The following MTERF4 variants were observed in gnomAD, a reference collection of about 807,000 sequenced individuals.
The protein encoded by MTERF4 is transcription termination factor 4, mitochondrial.
In MTERF4, 17 loss-of-function variants were observed where a neutral mutation model predicts 22.5. The ratio of observed to expected loss-of-function variants is 0.75; its 90% confidence interval spans 0.52 to 1.13. The LOEUF is 1.13. Ranked by LOEUF, MTERF4 falls within the 50% of genes most tolerant of loss-of-function variation. The probability of loss-of-function intolerance (pLI) is 0.00; values close to 1 mark genes in which losing one functional copy is unlikely to be tolerated. For missense variants in MTERF4, 420 were observed against 466.8 expected (o/e 0.90, Z 0.92); for synonymous variants, 165 against 175.3 (o/e 0.94, Z 0.47).
Position 241,095,658 on chromosome 2 carries a change from C to G in MTERF4, c.*340G>C, listed in dbSNP as rs1046590222. The G allele has an allele frequency of 1.6e-4, 40 of 253,642 alleles. 1 individual carries two copies. The highest frequency in any genetic ancestry group is 3.0e-5 in the Non-Finnish European group (4 of 132,264). The allele number at this position is 253,642 out of a possible 1,614,324, so 15.7% of individuals were successfully genotyped here. A position where few individuals can be genotyped will look rare whatever the true frequency, so the allele number is the denominator to read the frequency against. ...AGAATGAACCCCATCTTCCAACTGT[C>G]ACGGAATTATCACCAACATATTCAA... On this transcript the variant is annotated 3_prime_UTR_variant, in exon 4 of 4. Transcript: ENST00000391980.
the MTERF4 span, chr2:241,065,084 G>A: frequency 2.4e-6 from 2 of 847,668 alleles, no homozygotes; most frequent in African/African-American, 3.4e-5. Context: ...GAGGAACAGG[G>A]AGGGGATAAA....
downstream of MTERF4, chr2:241,071,586 T>G: frequency 6.3e-7 from 1 of 1,587,238 alleles, no homozygotes; most frequent in Non-Finnish European, 8.5e-7. Context: ...CCCCCAGGGA[T>G]GGCGCTGACA....
chr2:241,067,914 A>ATGTGGACAGGAG (rs1159616228), downstream of MTERF4: 4 of 1,607,098 alleles, frequency 2.5e-6, no homozygotes, highest in Non-Finnish European at 3.4e-6. Context: ...CAGGCCACCG[A>ATGTGGACAGGAG]TGTGGACAGG....
downstream of MTERF4, among the ~76,000 whole-genome samples, chr2:241,070,767 C>G (rs1413823513): frequency 6.6e-6 from 1 of 152,210 alleles, no homozygotes; most frequent in African/African-American, 2.4e-5. Context: ...CCACTTAGGT[C>G]TTCCAAGTTC....
At chr2:241,046,924 C>G in the MTERF4 span, among the ~76,000 whole-genome samples, 18 of 152,226 alleles carry the variant, frequency 1.2e-4, no homozygotes, top group Admixed American at 2.0e-4. Context: ...GCAGGCGGAT[C>G]ACGAGGTCAG....
In MTERF4 at chr2:241,078,239, T is replaced by C. The variant is rs75891584; in HGVS notation, n.480-2557A>G. Among the ~76,000 whole-genome samples the C allele has an allele frequency of 0.014, 2,061 of 151,458 alleles. 120 individuals are homozygous for C. The East Asian group carries it at 0.15, about 11-fold the overall frequency. On this transcript the variant is annotated intron_variant and non_coding_transcript_variant, in intron 4 of 4. Coordinates refer to the MTERF4 transcript ENST00000464344. ...CTCTACTAAAAATACAAAAATTAGC[T>C]GGGCGTGGTGGCGGGCGCCTGTAGT...
At position 241,097,438 on chromosome 2, in the gene MTERF4, T is replaced by C. The variant is rs762272533; in HGVS notation, c.521-11A>G. 1 of 1,600,550 alleles carries C rather than the reference T, an allele frequency of 6.2e-7. No homozygotes were observed. The highest frequency in any genetic ancestry group is 1.1e-5 in the South Asian group (1 of 89,298). ...CCCTCTTTAATTTCCCTGCAGAACA[T>C]TCAAAAAAGGCAAGCATATAATTTC... On this transcript the variant is annotated splice_polypyrimidine_tract_variant and intron_variant, in intron 2 of 3. Transcript: ENST00000391980.
chr2:241,048,305 TTTC>T, the MTERF4 span: 1 of 1,590,724 alleles, frequency 6.3e-7, no homozygotes, highest in Non-Finnish European at 8.5e-7. Flanking sequence ...GACTGCCGTC[TTTC>T]TTGCAGGAGA....
At chr2:241,052,357 C>T in the MTERF4 span, 30 of 1,572,568 alleles carry the variant, frequency 1.9e-5, no homozygotes, top group Admixed American at 3.0e-4. Flanking sequence ...TCTGGCAGCC[C>T]CCTCCCCCTG....
chr2:241,098,094 A>G (rs1462413945), intron 2 of MTERF4, among the ~76,000 whole-genome samples: 1 of 152,204 alleles, frequency 6.6e-6, no homozygotes, highest in Non-Finnish European at 1.5e-5. Flanking sequence ...GCTGAGCAAA[A>G]TTCAGTAATG....
chr2:241,090,253 A>AAC, downstream of MTERF4: 3 of 1,515,106 alleles, frequency 2.0e-6, no homozygotes, highest in Non-Finnish European at 2.7e-6. Flanking sequence ...CTAAGACACA[A>AAC]ACACACACAT....
At chr2:241,079,878 T>C (rs2063247081) in intron 4 of MTERF4, among the ~76,000 whole-genome samples, 1 of 152,210 alleles carries the variant, frequency 6.6e-6, no homozygotes, top group Non-Finnish European at 1.5e-5. Context: ...AATACCTGAA[T>C]TGTTATTTTG....
the MTERF4 span, among the ~76,000 whole-genome samples, chr2:241,044,882 A>G: frequency 6.6e-6 from 1 of 152,176 alleles, no homozygotes; most frequent in Non-Finnish European, 1.5e-5. Context: ...TAAAAGCCGC[A>G]GCGTTTTTGC....
chr2:241,089,165 C>A, downstream of MTERF4: 1 of 820,314 alleles, frequency 1.2e-6, no homozygotes, highest in South Asian at 1.9e-5. Flanking sequence ...CCATCTACAA[C>A]CTGTTACCAG....
At chr2:241,089,209 C>T (rs2063750711), downstream of MTERF4, 2 of 1,274,010 alleles carry the variant, frequency 1.6e-6, no homozygotes, top group African/African-American at 3.0e-5. Flanking sequence ...ATCAACATGT[C>T]ACTGCATGAA....
the MTERF4 span, among the ~76,000 whole-genome samples, chr2:241,065,752 G>A: frequency 2.0e-5 from 3 of 152,238 alleles, no homozygotes; most frequent in Non-Finnish European, 4.4e-5. Flanking sequence ...GCACCGCCCT[G>A]CTGGAGACAG....
At chr2:241,078,363 A>G (rs1293978899) in intron 4 of MTERF4, among the ~76,000 whole-genome samples, 3 of 145,354 alleles carry the variant, frequency 2.1e-5, no homozygotes, top group Non-Finnish European at 4.5e-5. Flanking sequence ...AGCCTGGGAG[A>G]CAGAACTAGA....
downstream of MTERF4, chr2:241,067,754 T>C: frequency 6.3e-7 from 1 of 1,594,918 alleles, no homozygotes; most frequent in Non-Finnish European, 8.6e-7. Flanking sequence ...GAACAGTCCA[T>C]TCCCCCTAGG....
downstream of MTERF4, among the ~76,000 whole-genome samples, chr2:241,084,262 G>A (rs183328409): frequency 0.01 from 1,552 of 150,456 alleles, 22 homozygotes; most frequent in African/African-American, 0.035. Flanking sequence ...TCAGCCCCCC[G>A]AGTAGCTGGG....
Sources: gnomAD v4.1 joint callset for allele counts (sites outside exome capture counted in the v4.1 genomes callset) on GRCh38, gnomAD v4.1.1 for gene constraint, MANE v1.5 for transcripts, NCBI Gene and HGNC (gene_info 2026-07-23, HGNC 2026-07-21) for gene names.